Variants in FSTL5 observed in about 807,000 individuals in gnomAD.
The protein encoded by FSTL5 is follistatin-related protein 5.
In FSTL5, 62 loss-of-function variants were observed where a neutral mutation model predicts 89.1. The ratio of observed to expected loss-of-function variants is 0.70; its 90% confidence interval spans 0.57 to 0.86. FSTL5 has a LOEUF of 0.86. Ranked by LOEUF, FSTL5 falls within the 40% of genes least tolerant of loss-of-function variation. FSTL5 has a pLI of 0.00. For synonymous variants in FSTL5, 383 were observed against 346.2 expected (o/e 1.11, Z -1.18); for missense variants, 1,057 against 1,001.6 (o/e 1.06, Z -0.75).
intron 3 of FSTL5, among the ~76,000 whole-genome samples, chr4:161,922,364 C>G (rs1315525214): frequency 6.6e-6 from 1 of 152,000 alleles, no homozygotes; most frequent in Non-Finnish European, 1.5e-5. Context: ...AATAAACTCT[C>G]ATGACACACA....
At chr4:161,727,039 A>G (rs990704313) in intron 6 of FSTL5, among the ~76,000 whole-genome samples, 1 of 152,110 alleles carries the variant, frequency 6.6e-6, no homozygotes, top group Non-Finnish European at 1.5e-5. Context: ...CTTTCAGAAA[A>G]TTGAGGCATT....
chr4:162,152,410 A>G (rs1561047979), intron 1 of FSTL5, among the ~76,000 whole-genome samples: 1 of 152,184 alleles, frequency 6.6e-6, no homozygotes, highest in Non-Finnish European at 1.5e-5. Flanking sequence ...AACTCTTGAT[A>G]TTCTGCCAAA....
chr4:162,152,889 A>G (rs950546240), intron 1 of FSTL5, among the ~76,000 whole-genome samples: 2 of 151,906 alleles, frequency 1.3e-5, no homozygotes, highest in African/African-American at 4.8e-5. Context: ...AACCGACAAC[A>G]TATTTCAAAT....
intron 7 of FSTL5, among the ~76,000 whole-genome samples, chr4:161,612,403 T>G (rs932983363): frequency 5.9e-5 from 9 of 152,206 alleles, no homozygotes; most frequent in African/African-American, 2.2e-4. Context: ...TAGTGGCAGT[T>G]TAGAGGTCTA....
intron 5 of FSTL5, among the ~76,000 whole-genome samples, chr4:161,768,527 A>C (rs968972875): frequency 6.6e-6 from 1 of 152,034 alleles, no homozygotes; most frequent in African/African-American, 2.4e-5. Flanking sequence ...TATTCTATAC[A>C]GAATACAAGG....
At chr4:161,982,819 G>A (rs1363355924) in intron 3 of FSTL5, among the ~76,000 whole-genome samples, 1 of 152,066 alleles carries the variant, frequency 6.6e-6, no homozygotes, top group East Asian at 1.9e-4. Flanking sequence ...CTCCTTGTTA[G>A]GTCTATGTAT....
intron 6 of FSTL5, among the ~76,000 whole-genome samples, chr4:161,668,892 A>G (rs1280585414): frequency 6.6e-6 from 1 of 152,030 alleles, no homozygotes; most frequent in Non-Finnish European, 1.5e-5. Flanking sequence ...TGGGTGGATC[A>G]CCTGAGGTCA....
In FSTL5 at chr4:162,111,417, C is replaced by A. The variant is rs752479906; in HGVS notation, c.-16-5G>T. On this transcript the variant is annotated splice_polypyrimidine_tract_variant and splice_region_variant and intron_variant, in intron 1 of 15. Coordinates refer to ENST00000306100, the MANE Select transcript of FSTL5 (RefSeq NM_020116.5). The stretch of plus-strand genomic sequence containing the variant: ...AACATCCTTATTGCTTTTCACCTGT[C>A]AAAATTAAAATTGCAAGGAATCAGA... 1 of 1,581,926 alleles carries A rather than the reference C, an allele frequency of 6.3e-7. No individual in the cohort carries two copies. The highest frequency in any genetic ancestry group is 1.7e-5 in the Admixed American group (1 of 57,476).
intron 14 of FSTL5, among the ~76,000 whole-genome samples, chr4:161,458,396 A>G (rs1269285049): frequency 6.6e-6 from 1 of 152,232 alleles, no homozygotes; most frequent in Admixed American, 6.5e-5. Context: ...TTCTATTTAC[A>G]TAAAACTGTC....
At chr4:161,550,829 C>T (rs181669186) in intron 8 of FSTL5, among the ~76,000 whole-genome samples, 11,315 of 151,666 alleles carry the variant, frequency 0.075, 538 homozygotes, top group Middle Eastern at 0.15. Flanking sequence ...TGAGAATATG[C>T]GGTGTTTGGT....
intron 4 of FSTL5, among the ~76,000 whole-genome samples, chr4:161,867,267 T>C (rs1732123606): frequency 6.6e-6 from 1 of 151,990 alleles, no homozygotes; most frequent in African/African-American, 2.4e-5. Flanking sequence ...AAATTACTTC[T>C]CTAAATAAAC....
chr4:161,665,943 T>C (rs1736879332), intron 6 of FSTL5, among the ~76,000 whole-genome samples: 1 of 152,070 alleles, frequency 6.6e-6, no homozygotes, highest in Non-Finnish European at 1.5e-5. Flanking sequence ...TAAACTTTGA[T>C]AGTTCAAGAA....
chr4:161,915,944 C>A (rs1733826580), intron 4 of FSTL5, among the ~76,000 whole-genome samples: 1 of 151,692 alleles, frequency 6.6e-6, no homozygotes, highest in Non-Finnish European at 1.5e-5. Flanking sequence ...ATGACATTTA[C>A]TAATATATTT....
intron 4 of FSTL5, among the ~76,000 whole-genome samples, chr4:161,846,904 A>G (rs1407397962): frequency 1.3e-5 from 2 of 152,218 alleles, no homozygotes; most frequent in Non-Finnish European, 2.9e-5. Context: ...AAATATGCAT[A>G]TGTATGCAAC....
intron 15 of FSTL5, among the ~76,000 whole-genome samples, chr4:161,439,931 A>AT (rs1732702266): frequency 6.6e-6 from 1 of 152,134 alleles, no homozygotes; most frequent in African/African-American, 2.4e-5. Flanking sequence ...TGAGTTAAGC[A>AT]TTTTCTCATC....
intron 7 of FSTL5, among the ~76,000 whole-genome samples, chr4:161,625,061 T>G (rs1231669176): frequency 6.6e-6 from 1 of 152,164 alleles, no homozygotes; most frequent in Non-Finnish European, 1.5e-5. Context: ...GTATACAGTA[T>G]TGTTCAATAA....
chr4:161,922,938 G>A (rs1440610), intron 3 of FSTL5, among the ~76,000 whole-genome samples: 96,132 of 151,594 alleles, frequency 0.63, 30,558 homozygotes, highest in Middle Eastern at 0.72. Flanking sequence ...TTAGTTTGAA[G>A]GTGTCTCTGT....
intron 2 of FSTL5, among the ~76,000 whole-genome samples, chr4:162,106,212 C>A (rs1379621886): frequency 6.6e-6 from 1 of 152,082 alleles, no homozygotes; most frequent in African/African-American, 2.4e-5. Context: ...AGTAAGAGAA[C>A]CATAAGTCAA....
At chr4:162,047,148 G>C (rs1738212786) in intron 2 of FSTL5, among the ~76,000 whole-genome samples, 1 of 152,008 alleles carries the variant, frequency 6.6e-6, no homozygotes, top group Admixed American at 6.6e-5. Context: ...TTCTTCATAA[G>C]GAGATAAACA....
Sources: gnomAD v4.1 joint callset for allele counts (sites outside exome capture counted in the v4.1 genomes callset) on GRCh38, gnomAD v4.1.1 for gene constraint, MANE v1.5 for transcripts, NCBI Gene and HGNC (gene_info 2026-07-23, HGNC 2026-07-21) for gene names.